The following SLC30A9 variants were observed in gnomAD, a reference collection of about 807,000 sequenced individuals.
The protein encoded by SLC30A9 is solute carrier family 30 member 9, also known as proton-coupled zinc antiporter SLC30A9, mitochondrial.
Under a neutral mutation model 87.5 loss-of-function variants are expected in SLC30A9, and 58 were observed. The ratio of observed to expected loss-of-function variants is 0.66; its 90% CI spans 0.54 to 0.82. SLC30A9 has a LOEUF of 0.82. Ranked by LOEUF, SLC30A9 falls within the 40% of genes least tolerant of loss-of-function variation. SLC30A9 has a pLI of 0.00. For synonymous variants in SLC30A9, 234 were observed against 233.0 expected (o/e 1.00, Z -0.04); for missense variants, 557 against 679.1 (o/e 0.82, Z 2.00).
chr4:42,000,067 C>T (rs554244571), intron 1 of SLC30A9, among the ~76,000 whole-genome samples: 9 of 151,968 alleles, frequency 5.9e-5, no homozygotes, highest in African/African-American at 1.4e-4. Flanking sequence ...CCTTTGCATA[C>T]GTTTGAGATT....
At chr4:42,070,770 C>T (rs922857404) in intron 15 of SLC30A9, 79 bp downstream of exon 15, 4 of 1,223,348 alleles carry the variant, frequency 3.3e-6, no homozygotes, top group African/African-American at 3.0e-5. Flanking sequence ...GTAAATACTT[C>T]CAGAGGAAGT....
chr4:42,079,314 CT>C (rs1457927725), intron 17 of SLC30A9, among the ~76,000 whole-genome samples: 1 of 141,704 alleles, frequency 7.1e-6, no homozygotes, highest in Admixed American at 7.1e-5. Context: ...TTTTTTTTAA[CT>C]AAGAATCTCA....
chr4:41,998,043 G>GA (rs59865554), intron 1 of SLC30A9, among the ~76,000 whole-genome samples: 1 of 152,236 alleles, frequency 6.6e-6, no homozygotes, highest in Non-Finnish European at 1.5e-5. Flanking sequence ...TTGTGTGAGA[G>GA]AAAAAGAGTG....
At chr4:42,029,714 C>T in intron 6 of SLC30A9, 1 of 740,554 alleles carries the variant, frequency 1.4e-6, no homozygotes, top group East Asian at 2.5e-5. Context: ...ACAAAACTTA[C>T]AGCTACGAAG....
chr4:42,075,847 C>G, intron 16 of SLC30A9, 61 bp downstream of exon 16: 1 of 1,524,598 alleles, frequency 6.6e-7, no homozygotes, highest in Non-Finnish European at 8.8e-7. Flanking sequence ...TTAAGGTAAA[C>G]AAAATGAAAT....
intron 8 of SLC30A9, among the ~76,000 whole-genome samples, chr4:42,043,356 C>T (rs1717001167): frequency 6.6e-6 from 1 of 152,028 alleles, no homozygotes; most frequent in South Asian, 2.1e-4. Flanking sequence ...CTAGAATAAC[C>T]AGTTTAGAGA....
intron 1 of SLC30A9, among the ~76,000 whole-genome samples, chr4:41,997,497 A>G (rs1018110031): frequency 6.6e-5 from 10 of 152,154 alleles, no homozygotes; most frequent in Non-Finnish European, 1.5e-4. Context: ...GTATAAAGTA[A>G]AAACTATGCA....
intron 17 of SLC30A9, among the ~76,000 whole-genome samples, chr4:42,082,062 A>G (rs1045868419): frequency 1.3e-5 from 2 of 152,008 alleles, no homozygotes; most frequent in African/African-American, 4.8e-5. Flanking sequence ...CTAAAAATAC[A>G]AAATATTAGC....
chr4:42,061,759 G>T (rs1310471162), intron 10 of SLC30A9, among the ~76,000 whole-genome samples: 3 of 151,970 alleles, frequency 2.0e-5, no homozygotes, highest in African/African-American at 4.8e-5. Flanking sequence ...AATTAGCCGG[G>T]TGTGGTGGCG....
intron 2 of SLC30A9, among the ~76,000 whole-genome samples, chr4:42,015,247 T>A (rs1006443057): frequency 6.6e-6 from 1 of 152,124 alleles, no homozygotes; most frequent in African/African-American, 2.4e-5. Context: ...AATAAAAAGT[T>A]TTTTTTAAAG....
intron 3 of SLC30A9, among the ~76,000 whole-genome samples, chr4:42,019,308 A>G (rs1052165559): frequency 2.6e-5 from 4 of 152,176 alleles, no homozygotes; most frequent in African/African-American, 7.2e-5. Context: ...TATCTCTATC[A>G]TATGACCAAA....
chr4:42,035,228 A>G, intron 6 of SLC30A9, 47 bp from the exon 7 acceptor site: 2 of 1,543,316 alleles, frequency 1.3e-6, no homozygotes, highest in Non-Finnish European at 1.8e-6. Flanking sequence ...CTAAACTGTG[A>G]CTGGTAAGAA....
At chr4:42,041,230 T>G (rs1371663565) in intron 8 of SLC30A9, among the ~76,000 whole-genome samples, 1 of 152,100 alleles carries the variant, frequency 6.6e-6, no homozygotes, top group Non-Finnish European at 1.5e-5. Flanking sequence ...TGAGATTTTG[T>G]GGGAGACACA....
rs55926236 is a variant in SLC30A9 at position 41,998,472 on chromosome 4, GT to G, written c.110-3141del. ...ATGAATTCAGTAATTCTTTTTTTTTGTTTGTTTTTGAGATGGAGTTTTACAC... is the reference window on the plus strand; with the variant it reads ...ATGAATTCAGTAATTCTTTTTTTTTGTTGTTTTTGAGATGGAGTTTTACAC... On this transcript the variant is annotated intron_variant, in intron 1 of 17. Transcript: ENST00000264451. Among the ~76,000 whole-genome samples the G allele has an allele frequency of 6.2e-4, 92 of 147,642 alleles. 2 individuals carry two copies. Among genetic ancestry groups the G allele is most frequent in the African/African-American group, 1.8e-3 (73 of 40,242 alleles).
At chr4:42,085,769 T>C (rs985267335) in intron 17 of SLC30A9, among the ~76,000 whole-genome samples, 4 of 151,990 alleles carry the variant, frequency 2.6e-5, no homozygotes, top group African/African-American at 7.2e-5. Flanking sequence ...TTTGCAGTGA[T>C]TTTGTTTTCA....
intron 8 of SLC30A9, among the ~76,000 whole-genome samples, chr4:42,040,414 G>A (rs1210804722): frequency 2.0e-5 from 3 of 152,072 alleles, no homozygotes; most frequent in Non-Finnish European, 4.4e-5. Context: ...TGAGTTAGAG[G>A]TTTGATAGTT....
chr4:42,049,171 G>A (rs1717285921), intron 8 of SLC30A9, among the ~76,000 whole-genome samples: 1 of 152,104 alleles, frequency 6.6e-6, no homozygotes, highest in African/African-American at 2.4e-5. Flanking sequence ...TTACTTTGTT[G>A]CCCAGACTGG....
At chr4:42,068,510 G>T (rs1202090515) in intron 14 of SLC30A9, among the ~76,000 whole-genome samples, 1 of 152,208 alleles carries the variant, frequency 6.6e-6, no homozygotes, top group Admixed American at 6.5e-5. Flanking sequence ...CTCCCAAAGT[G>T]CTGGGATTAC....
At chr4:42,040,614 G>A (rs1027196846) in intron 8 of SLC30A9, among the ~76,000 whole-genome samples, 3 of 151,908 alleles carry the variant, frequency 2.0e-5, no homozygotes, top group African/African-American at 7.2e-5. Context: ...TGGCTAACAC[G>A]GTGAAACCCC....
Sources: gnomAD v4.1 joint callset for allele counts (sites outside exome capture counted in the v4.1 genomes callset) on GRCh38, gnomAD v4.1.1 for gene constraint, MANE v1.5 for transcripts, NCBI Gene and HGNC (gene_info 2026-07-23, HGNC 2026-07-21) for gene names.